Variants in SGIP1 observed in about 807,000 individuals in gnomAD.
The protein encoded by SGIP1 is SH3-containing GRB2-like protein 3-interacting protein 1.
SGIP1 carries 38 observed loss-of-function variants against 107.5 expected under a neutral mutation model. That is an observed-to-expected ratio of 0.35 (90% CI 0.27 to 0.46). The LOEUF is 0.46. Ranked by LOEUF, SGIP1 falls within the 20% of genes least tolerant of loss-of-function variation. The probability of loss-of-function intolerance (pLI) is 1.00; values close to 1 mark genes in which losing one functional copy is unlikely to be tolerated. For missense variants in SGIP1, 929 were observed against 1,019.5 expected (o/e 0.91, Z 1.21); for synonymous variants, 365 against 366.1 (o/e 1.00, Z 0.03).
In SGIP1 at chr1:66,682,148, G is replaced by A. The variant is rs1163177129; in HGVS notation, c.1094G>A (p.Gly365Glu). 1.2e-6 allele frequency: 2 copies of A among 1,614,180 alleles called. No individual in the cohort carries two copies. Among genetic ancestry groups the A allele is most frequent in the East Asian group, 2.2e-5 (1 of 44,866 alleles). The change falls in exon 15 of 25, where the codon GGG (glycine) becomes GAG (glutamate). Residue 365 changes from glycine to glutamate, a missense_variant. By Grantham distance (98) the Gly-to-Glu change is moderately conservative. Around this residue, in one of 2 missense-constraint regions of SGIP1, gnomAD observed 588 missense variants for 588.6 expected, o/e 1.00. Transcript: ENST00000371037. ...PGPTGPPGPP[G>E]PPRNVLSPLN... ...CCCACAGGCCCCCCAGGGCCTCCTG[G>A]GCCTCCTCGCAATGTACTATCGCCG...
At chr1:66,690,816 AT>A (rs914610784) in intron 17 of SGIP1, among the ~76,000 whole-genome samples, 1 of 151,448 alleles carries the variant, frequency 6.6e-6, no homozygotes, top group African/African-American at 2.4e-5. Context: ...ACTTTTCGAC[AT>A]TTTTTTTTCT....
chr1:66,623,537 T>C (rs4655640), intron 1 of SGIP1, among the ~76,000 whole-genome samples: 105,688 of 152,168 alleles, frequency 0.69, 38,416 homozygotes, highest in East Asian at 1. Flanking sequence ...AGGCATAGGC[T>C]ACTGCACCTG....
intron 19 of SGIP1, among the ~76,000 whole-genome samples, chr1:66,721,245 CT>C (rs1276040512): frequency 6.6e-6 from 1 of 152,154 alleles, no homozygotes; most frequent in African/African-American, 2.4e-5. Context: ...TGTAGATATG[CT>C]TTATTCATAC....
At chr1:66,648,462 C>T (rs941095703) in intron 7 of SGIP1, among the ~76,000 whole-genome samples, 3 of 152,122 alleles carry the variant, frequency 2.0e-5, no homozygotes, top group Admixed American at 2.0e-4. Flanking sequence ...ATGTCACCAC[C>T]CTCCAGTTTT....
intron 24 of SGIP1, among the ~76,000 whole-genome samples, chr1:66,742,720 C>T (rs1256149772): frequency 2.7e-5 from 4 of 148,920 alleles, no homozygotes; most frequent in South Asian, 2.1e-4. Context: ...CCGCCCGCCT[C>T]GGCCTCCCAA....
chr1:66,716,799 T>C (rs2093271521), intron 18 of SGIP1, among the ~76,000 whole-genome samples: 1 of 152,166 alleles, frequency 6.6e-6, no homozygotes, highest in Non-Finnish European at 1.5e-5. Context: ...TTAATGACTA[T>C]AAAGACAAAT....
chr1:66,729,999 G>A (rs202123796), intron 20 of SGIP1, among the ~76,000 whole-genome samples: 4 of 151,812 alleles, frequency 2.6e-5, no homozygotes, highest in African/African-American at 4.8e-5. Context: ...ATGGGGTTTC[G>A]CCATGTTGGC....
In SGIP1 at chr1:66,729,399, A is replaced by G. The variant is rs751086821; in HGVS notation, c.1878A>G (p.Pro626=). The part of the protein sequence containing the change: ...INFSRLEHVL[P]NPQLLCCDNT... ...TCAGCAGGTTAGAACACGTCCTGCC[A>G]AACCCCCAACTTCTCTGCTGGTAAA... The change falls in exon 20 of 25, where the codon CCA becomes CCG. Residue 626 remains proline, a synonymous_variant. Transcript: ENST00000371037. The G allele has an allele frequency of 1.2e-6, 2 of 1,614,160 alleles. No homozygotes were observed. The highest frequency in any genetic ancestry group is 4.5e-5 in the East Asian group (2 of 44,880).
rs1032761553 is a variant in SGIP1, at chr1:66,745,137, A to C, written c.*2042A>C. 6.6e-6 allele frequency: 1 copy of C among 152,040 alleles called. No homozygotes were observed. The highest frequency in any genetic ancestry group is 2.4e-5 in the African/African-American group (1 of 41,430). 9.4% of individuals were successfully genotyped at this position (152,040 alleles called of 1,614,324 possible). A position where few individuals can be genotyped will look rare whatever the true frequency, so the allele number is the denominator to read the frequency against. On this transcript the variant is annotated 3_prime_UTR_variant, in exon 25 of 25. Transcript: ENST00000371037. Reference sequence around the variant, plus strand: ...TTTTATTTTGTTTTATTTTGTATAGATCTAGAATGAATTAGTAATTAAACA... The same window carrying C: ...TTTTATTTTGTTTTATTTTGTATAGCTCTAGAATGAATTAGTAATTAAACA...
chr1:66,614,012 T>C (rs1458780532), intron 1 of SGIP1, among the ~76,000 whole-genome samples: 1 of 152,218 alleles, frequency 6.6e-6, no homozygotes, highest in Admixed American at 6.5e-5. Context: ...GCTAGAGTCA[T>C]ATCCCTGCCC....
At chr1:66,555,335 T>A (rs1033562626) in intron 1 of SGIP1, among the ~76,000 whole-genome samples, 1 of 152,130 alleles carries the variant, frequency 6.6e-6, no homozygotes, top group African/African-American at 2.4e-5. Flanking sequence ...CAAAATATAT[T>A]TTCTGTTCTC....
chr1:66,538,759 C>T (rs1237922414), intron 1 of SGIP1, among the ~76,000 whole-genome samples: 1 of 152,014 alleles, frequency 6.6e-6, no homozygotes, highest in Non-Finnish European at 1.5e-5. Flanking sequence ...CAAATATTTG[C>T]CATAAAATGT....
At position 66,656,586 on chromosome 1, in the gene SGIP1, C is replaced by T. The variant is rs146739011; in HGVS notation, c.460-3927C>T. Among the ~76,000 whole-genome samples, 567 of 152,206 alleles carry T rather than the reference C, an allele frequency of 3.7e-3. 2 individuals carry two copies. The highest frequency in any genetic ancestry group is 0.014 in the Middle Eastern group (4 of 294). On this transcript the variant is annotated intron_variant, in intron 7 of 24. Coordinates refer to ENST00000371037, the MANE Select transcript of SGIP1 (RefSeq NM_032291.4). The stretch of plus-strand genomic sequence containing the variant: ...AATCTTATGGGACCACCATCGTATA[C>T]GCAGTCCATCGTTGACCAAAGCATC...
chr1:66,574,281 G>T (rs1272889168), intron 1 of SGIP1, among the ~76,000 whole-genome samples: 1 of 152,044 alleles, frequency 6.6e-6, no homozygotes, highest in Non-Finnish European at 1.5e-5. Context: ...CCACTGTGTT[G>T]TGTGGCACAC....
In SGIP1 at chr1:66,746,506, T is replaced by C. The variant is rs999453492; in HGVS notation, c.*3411T>C. 1 of 152,152 alleles carries C rather than the reference T, an allele frequency of 6.6e-6. No individual in the cohort carries two copies. Among genetic ancestry groups the C allele is most frequent in the Non-Finnish European group, 1.5e-5 (1 of 67,980 alleles). 9.4% of individuals were successfully genotyped at this position (152,152 alleles called of 1,614,324 possible). On this transcript the variant is annotated 3_prime_UTR_variant, in exon 25 of 25. Coordinates refer to ENST00000371037, the MANE Select transcript of SGIP1 (RefSeq NM_032291.4). ...AGATAAACCACCTTTTGAGGCTTTA[T>C]AAGCAAACTTGTAAAAACACAGTAA...
chr1:66,535,312 G>T (rs755975843), intron 1 of SGIP1, among the ~76,000 whole-genome samples: 7 of 152,162 alleles, frequency 4.6e-5, no homozygotes, highest in Non-Finnish European at 8.8e-5. Context: ...AAGATGACAG[G>T]CAGAAATTTG....
intron 18 of SGIP1, among the ~76,000 whole-genome samples, chr1:66,702,732 A>G (rs961094671): frequency 6.6e-6 from 1 of 152,148 alleles, no homozygotes; most frequent in Non-Finnish European, 1.5e-5. Context: ...TCTTCCTCTT[A>G]TGGCCATAAT....
intron 1 of SGIP1, among the ~76,000 whole-genome samples, chr1:66,574,167 T>C (rs1373596087): frequency 6.6e-6 from 1 of 152,060 alleles, no homozygotes; most frequent in Admixed American, 6.6e-5. Context: ...GATCTCAGAG[T>C]CCTCTGTAAT....
intron 7 of SGIP1, among the ~76,000 whole-genome samples, chr1:66,653,282 T>A (rs1283140352): frequency 1.3e-5 from 2 of 152,208 alleles, no homozygotes; most frequent in East Asian, 3.8e-4. Flanking sequence ...ATCTGATACA[T>A]GCTTTTTCTT....
Sources: allele counts gnomAD v4.1 joint callset (sites outside exome capture counted in the v4.1 genomes callset), GRCh38; gene constraint gnomAD v4.1.1; regional missense constraint gnomAD v4.1.1; transcripts MANE v1.5; gene names NCBI Gene and HGNC (gene_info 2026-07-23, HGNC 2026-07-21).